Variants in LOXHD1 observed in about 807,000 individuals in gnomAD.
The protein encoded by LOXHD1 is lipoxygenase homology PLAT domains 1, also known as lipoxygenase homology domain-containing protein 1.
LOXHD1 carries 205 observed loss-of-function variants against 248.2 expected under a neutral mutation model. The observed-to-expected ratio is 0.83, with a 90% confidence interval of 0.74 to 0.93. The LOEUF is 0.93. Ranked by LOEUF, LOXHD1 falls within the 40% of genes least tolerant of loss-of-function variation. LOXHD1 has a pLI of 0.00. For synonymous variants in LOXHD1, 1,113 were observed against 1,162.8 expected, an observed-to-expected ratio of 0.96 and a Z score of 0.87; for missense variants, 2,930 against 2,971.6, an observed-to-expected ratio of 0.99 and a Z score of 0.33.
chr18:46,524,416 A>G (rs1568135748), intron 31 of LOXHD1, 50 bp downstream of exon 31: 1 of 1,534,568 alleles, frequency 6.5e-7, no homozygotes, highest in East Asian at 2.5e-5. Context: ...TTGCTTTAAA[A>G]CATTTCCATG....
chr18:46,559,550 A>T lies in LOXHD1; in HGVS notation c.3114T>A (p.Thr1038=). The change falls in exon 20 of 41, where the codon ACT becomes ACA. Residue 1038 remains threonine (T), a synonymous_variant. Coordinates refer to ENST00000642948, the MANE Select transcript of LOXHD1 (RefSeq NM_001384474.1). ...VVTGNVPKAG[T]DANVYLTIYG... is the part of the protein sequence containing the mutation. Reference sequence around the variant, plus strand: ...AGATGGTTAGGTAGACGTTAGCATCAGTGCCGGCCTTGGGCACATTCCCCG... The same window carrying T: ...AGATGGTTAGGTAGACGTTAGCATCTGTGCCGGCCTTGGGCACATTCCCCG... 1 of 1,551,986 alleles carries T rather than the reference A, an allele frequency of 6.4e-7. No individual in the cohort carries two copies. The highest frequency in any genetic ancestry group is 1.2e-5 in the South Asian group (1 of 84,068).
chr18:46,516,514 G>A (rs992446623), intron 34 of LOXHD1, among the ~76,000 whole-genome samples: 3 of 152,116 alleles, frequency 2.0e-5, no homozygotes, highest in African/African-American at 4.8e-5. Context: ...GAGCTGCTCC[G>A]TCCATGAAAA....
chr18:46,518,098 G>C, intron 34 of LOXHD1, 31 bp downstream of exon 34: 1 of 1,550,444 alleles, frequency 6.4e-7, no homozygotes, highest in Non-Finnish European at 8.7e-7. Context: ...GAATGTGGGA[G>C]GGGTGAGGGG....
rs570386680 is a variant in LOXHD1, at chr18:46,508,852, G to T, written c.5517+846C>A. ...CCCTTGGACTCCTAACATCACAGTGGTTCTCATCAAAATGAGTGCAGCTTG... is the reference window on the plus strand; with the variant it reads ...CCCTTGGACTCCTAACATCACAGTGTTTCTCATCAAAATGAGTGCAGCTTG... On this transcript the variant is annotated intron_variant, in intron 35 of 40. Transcript: ENST00000642948. 3.3e-5 allele frequency among the ~76,000 whole-genome samples: 5 copies of T among 152,180 alleles called. No individual in the cohort carries two copies. The East Asian group carries it at 9.7e-4, about 29-fold the overall frequency.
At chr18:46,581,376 T>C (rs1288033206) in intron 12 of LOXHD1, among the ~76,000 whole-genome samples, 1 of 152,112 alleles carries the variant, frequency 6.6e-6, no homozygotes, top group Non-Finnish European at 1.5e-5. Flanking sequence ...CTTGGGCAAT[T>C]AGATGGATAG....
chr18:46,548,945 C>T (rs1166493168), intron 21 of LOXHD1, among the ~76,000 whole-genome samples: 2 of 152,196 alleles, frequency 1.3e-5, no homozygotes, highest in Non-Finnish European at 2.9e-5. Flanking sequence ...CTGCAGAGAG[C>T]AGCACGTCTC....
intron 4 of LOXHD1, among the ~76,000 whole-genome samples, chr18:46,632,956 G>A (rs2038846253): frequency 6.6e-6 from 1 of 152,214 alleles, no homozygotes; most frequent in South Asian, 2.1e-4. Flanking sequence ...GATTCACATG[G>A]GGATGAGTCA....
At position 46,552,087 on chromosome 18, in the gene LOXHD1, G is replaced by C. The variant is rs189012739; in HGVS notation, c.3351-5029C>G. On this transcript the variant is annotated intron_variant, in intron 21 of 40. Transcript: ENST00000642948. ...GGGAAGTAATTGTTTAATGGGTATA[G>C]TTTCAGTCATGCAAGATGAAAAAAA... Among the ~76,000 whole-genome samples the C allele has an allele frequency of 1.6e-4, 25 of 152,246 alleles. No homozygotes were observed. The East Asian group carries it at 4.6e-3, about 28-fold the overall frequency.
chr18:46,477,215 T>C, downstream of LOXHD1: 1 of 726,076 alleles, frequency 1.4e-6, no homozygotes, highest in Non-Finnish European at 2.6e-6. Flanking sequence ...CCCAGCCTGG[T>C]CACTACTGTT....
chr18:46,557,292 C>T (rs2037381943), intron 21 of LOXHD1, 64 bp downstream of exon 21: 2 of 1,547,642 alleles, frequency 1.3e-6, no homozygotes, highest in Non-Finnish European at 8.7e-7. Context: ...CCAGGACTAC[C>T]TCTGTGGCAG....
At chr18:46,552,206 T>C in intron 21 of LOXHD1, among the ~76,000 whole-genome samples, 1 of 152,188 alleles carries the variant, frequency 6.6e-6, no homozygotes, top group East Asian at 1.9e-4. Context: ...ATGTCATGTG[T>C]TTTCTTACAC....
At chr18:46,555,090 G>A (rs555606167) in intron 21 of LOXHD1, 22 of 470,712 alleles carry the variant, frequency 4.7e-5, no homozygotes, top group African/African-American at 2.0e-4. Flanking sequence ...TGGGCTAGCC[G>A]AGAAATGCCA....
At chr18:46,510,745 A>T (rs2034910770) in intron 34 of LOXHD1, among the ~76,000 whole-genome samples, 2 of 152,216 alleles carry the variant, frequency 1.3e-5, no homozygotes, top group Non-Finnish European at 2.9e-5. Context: ...GCTAGTCTTA[A>T]AGGTGGTGGT....
At chr18:46,501,663 G>A (rs1249805939) in intron 37 of LOXHD1, among the ~76,000 whole-genome samples, 1 of 152,188 alleles carries the variant, frequency 6.6e-6, no homozygotes, top group African/African-American at 2.4e-5. Context: ...GTAACCAGAG[G>A]CTCACAGGAA....
intron 1 of LOXHD1, among the ~76,000 whole-genome samples, chr18:46,653,798 G>A (rs1436672658): frequency 1.3e-5 from 2 of 152,164 alleles, no homozygotes; most frequent in Admixed American, 1.3e-4. Flanking sequence ...CCTCATCTCT[G>A]AAGTAGGAAT....
chr18:46,595,915 C>A (rs2038250010), intron 8 of LOXHD1, among the ~76,000 whole-genome samples: 1 of 152,142 alleles, frequency 6.6e-6, no homozygotes, highest in Non-Finnish European at 1.5e-5. Context: ...TCCTAAAAGT[C>A]TGAGGTTGTG....
chr18:46,596,116 C>T (rs912319789), intron 8 of LOXHD1, among the ~76,000 whole-genome samples: 4 of 150,540 alleles, frequency 2.7e-5, no homozygotes, highest in Non-Finnish European at 6.0e-5. Context: ...ACATAACTAT[C>T]CTGAGGGTAT....
intron 17 of LOXHD1, among the ~76,000 whole-genome samples, chr18:46,564,024 T>G (rs756022223): frequency 3.6e-4 from 55 of 150,876 alleles, no homozygotes; most frequent in Non-Finnish European, 3.4e-4. Context: ...TGAATAATAT[T>G]GACATAATAA....
chr18:46,575,812 C>T (rs868287008), intron 14 of LOXHD1, among the ~76,000 whole-genome samples: 12 of 152,294 alleles, frequency 7.9e-5, no homozygotes, highest in African/African-American at 2.4e-4. Flanking sequence ...GTCATCAACT[C>T]CCCAAAATCT....
Sources: gnomAD v4.1 joint callset for allele counts (sites outside exome capture counted in the v4.1 genomes callset) on GRCh38, gnomAD v4.1.1 for gene constraint, MANE v1.5 for transcripts, NCBI Gene and HGNC (gene_info 2026-07-23, HGNC 2026-07-21) for gene names.